Variants in SP1 observed in about 807,000 individuals in gnomAD.
The protein encoded by SP1 is transcription factor Sp1.
Under a neutral mutation model 66.3 loss-of-function variants are expected in SP1, and 6 were observed. The observed-to-expected ratio is 0.09, with a 90% CI of 0.05 to 0.18. SP1 has a LOEUF of 0.18. Ranked by LOEUF, SP1 falls within the 10% of genes least tolerant of loss-of-function variation. The pLI is 1.00. For synonymous variants in SP1, 417 were observed against 360.8 expected, an observed-to-expected ratio of 1.16 and a Z score of -1.77; for missense variants, 848 against 964.5, an observed-to-expected ratio of 0.88 and a Z score of 1.60.
At chr12:53,388,609 C>T (rs76765461) in intron 3 of SP1, among the ~76,000 whole-genome samples, 1,592 of 152,242 alleles carry the variant, frequency 0.01, 23 homozygotes, top group African/African-American at 0.036. Context: ...GATATGACTT[C>T]ATCCTTAAAG....
intron 3 of SP1, among the ~76,000 whole-genome samples, chr12:53,398,603 A>G (rs1211044435): frequency 6.6e-6 from 1 of 152,190 alleles, no homozygotes; most frequent in Non-Finnish European, 1.5e-5. Flanking sequence ...TGTTTTAATA[A>G]TATAAAATGT....
intron 3 of SP1, among the ~76,000 whole-genome samples, chr12:53,404,060 A>G (rs1938672448): frequency 6.6e-6 from 1 of 151,852 alleles, no homozygotes; most frequent in Non-Finnish European, 1.5e-5. Context: ...AGTCCCACCT[A>G]CTAGGGAGGC....
In SP1 at chr12:53,414,470, T is replaced by C. The variant is rs1025167617; in HGVS notation, c.*3230T>C. On this transcript the variant is annotated 3_prime_UTR_variant, in exon 6 of 6. Coordinates refer to ENST00000327443, the MANE Select transcript of SP1 (RefSeq NM_138473.3). ...GCCTGGTTCAGAATAAATTGATCCT[T>C]TGATCCCAGAAAGTATATACTGAAG... 6.6e-6 allele frequency: 1 copy of C among 152,620 alleles called. No individual in the cohort carries two copies. Among genetic ancestry groups the C allele is most frequent in the African/African-American group, 2.4e-5 (1 of 41,442 alleles). The allele number at this position is 152,620 out of a possible 1,614,324, so 9.5% of individuals were successfully genotyped here.
In SP1 at chr12:53,414,723, T is replaced by C. The variant is rs1362077738; in HGVS notation, c.*3483T>C. On this transcript the variant is annotated 3_prime_UTR_variant, in exon 6 of 6. Coordinates refer to ENST00000327443, the MANE Select transcript of SP1 (RefSeq NM_138473.3). The stretch of plus-strand genomic sequence containing the variant: ...TAATATCTTCACATTGTGTGAATAC[T>C]GGAAGCTGCAGATCTTTGCTAGGAC... 2 of 152,656 alleles carry C rather than the reference T, an allele frequency of 1.3e-5. No individual in the cohort carries two copies. The highest frequency in any genetic ancestry group is 4.8e-5 in the African/African-American group (2 of 41,464). 9.5% of individuals were successfully genotyped at this position (152,656 alleles called of 1,614,324 possible). A position where few individuals can be genotyped will look rare whatever the true frequency, so the allele number is the denominator to read the frequency against.
chr12:53,396,025 C>T (rs968187347), intron 3 of SP1, among the ~76,000 whole-genome samples: 5 of 151,954 alleles, frequency 3.3e-5, no homozygotes, highest in African/African-American at 9.7e-5. Flanking sequence ...GAGGCTGAGG[C>T]GGGAGAATCA....
chr12:53,382,657 C>G lies in SP1; in HGVS notation c.710C>G (p.Pro237Arg), dbSNP rs1938133214. 1.9e-6 allele frequency: 3 copies of G among 1,614,044 alleles called. No individual in the cohort carries two copies. Among genetic ancestry groups the G allele is most frequent in the Admixed American group, 1.7e-5 (1 of 59,992 alleles). Residue 237 changes from proline to arginine, a missense_variant, in exon 3 of 6, where the codon CCC (proline) becomes CGC (arginine). Physicochemically the swap from Pro to Arg is moderately radical, Grantham distance 103. Coordinates refer to ENST00000327443, the MANE Select transcript of SP1 (RefSeq NM_138473.3). ...AMPNLLQQAVPLQGLANNVLS... is the reference protein window; with the variant it reads ...AMPNLLQQAVRLQGLANNVLS... ...CCAAACCTACTCCAGCAGGCTGTCC[C>G]CCTCCAAGGCCTGGCTAATAATGTA...
chr12:53,395,811 C>CAA (rs372500453), intron 3 of SP1, among the ~76,000 whole-genome samples: 2 of 110,658 alleles, frequency 1.8e-5, no homozygotes, highest in Non-Finnish European at 3.9e-5. Context: ...ACCAAAAATA[C>CAA]AAAAAAAAAA....
intron 3 of SP1, among the ~76,000 whole-genome samples, chr12:53,402,233 T>C (rs1341531098): frequency 6.6e-6 from 1 of 151,468 alleles, no homozygotes; most frequent in Non-Finnish European, 1.5e-5. Flanking sequence ...TTTTTTTTTT[T>C]TTTTTTTAAG....
chr12:53,382,919 C>T lies in SP1; in HGVS notation c.972C>T (p.Ala324=), dbSNP rs1345123111. ...GTTCCAGCTCCTTTTTCACCAATGC[C>T]AATAGCTACTCAACTACTACTACCA... is the stretch of plus-strand genomic sequence containing the variant. ...QASSSSFFTN[A]NSYSTTTTTS... is the part of the protein sequence containing the mutation. Residue 324 remains alanine (A), a synonymous_variant, in exon 3 of 6, where the codon GCC becomes GCT. Transcript: ENST00000327443. The T allele has an allele frequency of 3.1e-6, 5 of 1,614,142 alleles. No individual in the cohort carries two copies. In the Admixed American group the frequency reaches 6.7e-5, roughly 22 times the overall value.
At chr12:53,394,607 C>CTTTTTT (rs71443299) in intron 3 of SP1, among the ~76,000 whole-genome samples, 16 of 58,152 alleles carry the variant, frequency 2.8e-4, no homozygotes, top group African/African-American at 5.6e-4. Flanking sequence ...GAGATAAGGT[C>CTTTTTT]TTTTTTTTTT....
intron 3 of SP1, among the ~76,000 whole-genome samples, chr12:53,391,245 T>C (rs1938343985): frequency 6.6e-6 from 1 of 152,068 alleles, no homozygotes; most frequent in African/African-American, 2.4e-5. Context: ...CTTTAAAATA[T>C]ATTTGCCCAC....
In SP1 at chr12:53,383,066, C is replaced by T; in HGVS notation, c.1119C>T (p.Asn373=). Residue 373 remains asparagine (N), a synonymous_variant, in exon 3 of 6, where the codon AAC becomes AAT. Coordinates refer to ENST00000327443, the MANE Select transcript of SP1 (RefSeq NM_138473.3). ...QGSDALNIQQ[N]QTSGGSLQAG... ...CTGATGCTCTGAACATCCAGCAAAACCAGACATCTGGAGGCTCATTGCAAG... is the reference window on the plus strand; with the variant it reads ...CTGATGCTCTGAACATCCAGCAAAATCAGACATCTGGAGGCTCATTGCAAG... 1 of 1,614,212 alleles carries T rather than the reference C, an allele frequency of 6.2e-7. No homozygotes were observed. Among genetic ancestry groups the T allele is most frequent in the South Asian group, 1.1e-5 (1 of 91,086 alleles).
chr12:53,410,128 G>C (rs568730228), intron 5 of SP1, among the ~76,000 whole-genome samples: 1 of 152,146 alleles, frequency 6.6e-6, no homozygotes, highest in South Asian at 2.1e-4. Flanking sequence ...CCAACATGGG[G>C]AAACCCTGTC....
chr12:53,402,310 G>A (rs1435578933), intron 3 of SP1, among the ~76,000 whole-genome samples: 10 of 145,670 alleles, frequency 6.9e-5, no homozygotes, highest in Admixed American at 4.3e-4. Flanking sequence ...TGCAACCTCC[G>A]CCTCCCAAGT....
At chr12:53,395,868 T>A (rs890342553) in intron 3 of SP1, among the ~76,000 whole-genome samples, 2 of 151,656 alleles carry the variant, frequency 1.3e-5, no homozygotes, top group African/African-American at 4.9e-5. Flanking sequence ...ACGCCTGTAA[T>A]CACAGCACTT....
At chr12:53,395,334 C>A (rs537124681) in intron 3 of SP1, among the ~76,000 whole-genome samples, 1 of 151,648 alleles carries the variant, frequency 6.6e-6, no homozygotes, top group Non-Finnish European at 1.5e-5. Flanking sequence ...AGTGAAACTC[C>A]GTCTCAAAAA....
At chr12:53,404,815 C>T (rs915585402) in intron 3 of SP1, among the ~76,000 whole-genome samples, 3 of 151,828 alleles carry the variant, frequency 2.0e-5, no homozygotes, top group Non-Finnish European at 4.4e-5. Flanking sequence ...GGACCATAGG[C>T]GCATGCCACC....
intron 3 of SP1, among the ~76,000 whole-genome samples, chr12:53,393,071 C>G (rs1938393254): frequency 6.6e-6 from 1 of 151,886 alleles, no homozygotes; most frequent in Non-Finnish European, 1.5e-5. Flanking sequence ...GATCTGCCTG[C>G]CTCAACCTCC....
rs753340279 is a variant in SP1, at chr12:53,382,382, G to A, written c.435G>A (p.Gly145=). ...ESSKNRTVSG[G]QYVVAAAPNL... ...CCAAGAATCGCACAGTCTCTGGTGGGCAGTATGTTGTGGCTGCCGCTCCCA... is the reference window on the plus strand; with the variant it reads ...CCAAGAATCGCACAGTCTCTGGTGGACAGTATGTTGTGGCTGCCGCTCCCA... The change falls in exon 3 of 6, where the codon GGG becomes GGA. Residue 145 remains glycine, a synonymous_variant. Transcript: ENST00000327443. The A allele has an allele frequency of 7.4e-6, 12 of 1,614,092 alleles. No homozygotes were observed. The South Asian group carries it at 9.9e-5, about 13-fold the overall frequency.
Sources: gnomAD v4.1 joint callset for allele counts (sites outside exome capture counted in the v4.1 genomes callset) on GRCh38, gnomAD v4.1.1 for gene constraint, MANE v1.5 for transcripts, NCBI Gene and HGNC (gene_info 2026-07-23, HGNC 2026-07-21) for gene names.